The following TTC28 variants were observed in gnomAD, a reference collection of about 807,000 sequenced individuals.
TTC28 encodes tetratricopeptide repeat domain 28.
Under a neutral mutation model 198.0 loss-of-function variants are expected in TTC28, and 61 were observed. The observed-to-expected ratio is 0.31, with a 90% CI of 0.25 to 0.38. The LOEUF is 0.38. TTC28 is among the 10% of genes least tolerant of loss of function. The pLI is 1.00. For missense variants in TTC28, 2,678 were observed against 3,164.0 expected, an observed-to-expected ratio of 0.85 and a Z score of 3.69; for synonymous variants, 1,171 against 1,297.8, an observed-to-expected ratio of 0.90 and a Z score of 2.10.
chr22:28,142,815 C>A (rs1270923364), intron 6 of TTC28, among the ~76,000 whole-genome samples: 2 of 152,138 alleles, frequency 1.3e-5, no homozygotes, highest in African/African-American at 4.8e-5. Flanking sequence ...AAAAATGATA[C>A]AATAGGCATA....
At chr22:28,499,275 A>T (rs1416519654) in intron 2 of TTC28, among the ~76,000 whole-genome samples, 1 of 152,234 alleles carries the variant, frequency 6.6e-6, no homozygotes, top group Non-Finnish European at 1.5e-5. Context: ...TGTGAAAATA[A>T]ACGAGAAATT....
chr22:28,071,028 G>T (rs138636716), intron 12 of TTC28, among the ~76,000 whole-genome samples: 2 of 152,208 alleles, frequency 1.3e-5, no homozygotes, highest in East Asian at 3.9e-4. Flanking sequence ...CACTTGAGGA[G>T]GCCCTGGTGT....
intron 2 of TTC28, among the ~76,000 whole-genome samples, chr22:28,606,702 A>ATT (rs1281480940): frequency 6.6e-6 from 1 of 152,186 alleles, no homozygotes; most frequent in African/African-American, 2.4e-5. Context: ...GACCAAAAAG[A>ATT]CCTGAGCATA....
intron 5 of TTC28, among the ~76,000 whole-genome samples, chr22:28,259,313 G>C (rs193049084): frequency 7.2e-5 from 11 of 151,906 alleles, no homozygotes; most frequent in African/African-American, 2.7e-4. Context: ...GAATAAAAAT[G>C]GATTTAATAA....
intron 14 of TTC28, among the ~76,000 whole-genome samples, chr22:28,010,117 A>G (rs1049533315): frequency 2.0e-5 from 3 of 152,198 alleles, no homozygotes; most frequent in African/African-American, 7.2e-5. Context: ...GGGCGGGTTC[A>G]GGGGCCCCTT....
chr22:28,325,472 A>C (rs890085909), intron 2 of TTC28, among the ~76,000 whole-genome samples: 1 of 152,146 alleles, frequency 6.6e-6, no homozygotes, highest in Non-Finnish European at 1.5e-5. Flanking sequence ...ACAGTCCATA[A>C]AGGAAGTTTT....
At chr22:28,604,140 T>C (rs1601613215) in intron 2 of TTC28, among the ~76,000 whole-genome samples, 2 of 151,260 alleles carry the variant, frequency 1.3e-5, no homozygotes, top group Non-Finnish European at 2.9e-5. Flanking sequence ...TAGCTGAGTG[T>C]GTTGGTTTGC....
In TTC28 at chr22:28,130,641, T is replaced by G. The variant is rs182574405; in HGVS notation, c.1442-22238A>C. Among the ~76,000 whole-genome samples, 200 of 151,700 alleles carry G rather than the reference T, an allele frequency of 1.3e-3. 1 individual carries two copies. The highest frequency in any genetic ancestry group is 2.4e-3 in the Non-Finnish European group (164 of 68,020). On this transcript the variant is annotated intron_variant, in intron 6 of 22. Coordinates refer to ENST00000397906, the MANE Select transcript of TTC28 (RefSeq NM_001145418.2). ...CAGATGCAGAAAGATAGCTGGCTAT[T>G]TAAGGTTTTCTATGAAAGATAATTT...
chr22:28,678,520 G>C (rs1008456036), intron 1 of TTC28, among the ~76,000 whole-genome samples: 2 of 152,114 alleles, frequency 1.3e-5, no homozygotes, highest in Non-Finnish European at 1.5e-5. Flanking sequence ...CACCGCACCC[G>C]GCCTAGTGGA....
intron 2 of TTC28, among the ~76,000 whole-genome samples, chr22:28,537,293 A>AAAAATAAAATAAAAT (rs58235209): frequency 0.035 from 3,912 of 110,294 alleles, 213 homozygotes; most frequent in African/African-American, 0.076. Flanking sequence ...ACTCCGTCTC[A>AAAAATAAAATAAAAT]AAAATAAAAT....
chr22:28,115,666 T>C (rs1388410354), intron 6 of TTC28, among the ~76,000 whole-genome samples: 1 of 152,278 alleles, frequency 6.6e-6, no homozygotes, highest in Non-Finnish European at 1.5e-5. Flanking sequence ...CGCACGTCTG[T>C]TCTGCCATCC....
chr22:28,480,484 T>C (rs536593841), intron 2 of TTC28, among the ~76,000 whole-genome samples: 1 of 152,292 alleles, frequency 6.6e-6, no homozygotes, highest in African/African-American at 2.4e-5. Flanking sequence ...TGGCATGCTG[T>C]TTTTAAAAAA....
chr22:28,108,534 G>A, intron 6 of TTC28, 131 bp from the exon 7 acceptor site: 1 of 807,012 alleles, frequency 1.2e-6, no homozygotes, highest in South Asian at 4.5e-5. Context: ...AATAACAGAA[G>A]GTAGAATTAA....
chr22:28,482,833 C>T (rs1470268372), intron 2 of TTC28, among the ~76,000 whole-genome samples: 1 of 152,038 alleles, frequency 6.6e-6, no homozygotes, highest in Non-Finnish European at 1.5e-5. Flanking sequence ...AATATGTGAC[C>T]TTTTGTGTCT....
intron 6 of TTC28, among the ~76,000 whole-genome samples, chr22:28,160,503 C>A (rs1156276423): frequency 6.6e-6 from 1 of 152,038 alleles, no homozygotes; most frequent in African/African-American, 2.4e-5. Context: ...TGTAGGATAT[C>A]TGAATAATGA....
chr22:28,009,021 G>T (rs1938032306), intron 14 of TTC28, among the ~76,000 whole-genome samples: 1 of 152,214 alleles, frequency 6.6e-6, no homozygotes, highest in Admixed American at 6.5e-5. Flanking sequence ...TCCCTTTCAT[G>T]CTAAACACTT....
intron 12 of TTC28, among the ~76,000 whole-genome samples, chr22:28,064,506 C>T (rs534968568): frequency 3.5e-4 from 53 of 151,964 alleles, no homozygotes; most frequent in Non-Finnish European, 5.1e-4. Context: ...CAGAAGAGCG[C>T]GGAAAACTCA....
At chr22:28,386,966 T>C (rs1470773591) in intron 2 of TTC28, among the ~76,000 whole-genome samples, 3 of 152,140 alleles carry the variant, frequency 2.0e-5, no homozygotes, top group African/African-American at 7.2e-5. Context: ...TAGCATTAGG[T>C]ATATCACCCA....
intron 2 of TTC28, among the ~76,000 whole-genome samples, chr22:28,600,360 AC>A (rs2050619616): frequency 6.6e-6 from 1 of 152,134 alleles, no homozygotes; most frequent in Non-Finnish European, 1.5e-5. Flanking sequence ...AGCTGTAATC[AC>A]GCCACTGCAC....
Sources: gnomAD v4.1 joint callset for allele counts (sites outside exome capture counted in the v4.1 genomes callset) on GRCh38, gnomAD v4.1.1 for gene constraint, MANE v1.5 for transcripts, NCBI Gene and HGNC (gene_info 2026-07-23, HGNC 2026-07-21) for gene names.